The following CELF6 variants were observed in gnomAD, a reference collection of about 807,000 sequenced individuals.
CELF6 encodes CUGBP Elav-like family member 6, also known as Bruno -like 6, RNA binding protein.
CELF6 carries 32 observed loss-of-function variants against 53.1 expected under a neutral mutation model. That is an observed-to-expected ratio of 0.60 (90% CI 0.46 to 0.81). The LOEUF is 0.81. Among genes scored for constraint, CELF6 ranks in the 30% least tolerant of loss-of-function variants. CELF6 has a pLI of 0.00. For missense variants in CELF6, 539 were observed against 669.5 expected (o/e 0.81, Z 2.15); for synonymous variants, 291 against 288.8 (o/e 1.01, Z -0.08).
At chr15:72,303,377 T>A (rs2088182442) in intron 3 of CELF6, among the ~76,000 whole-genome samples, 1 of 152,140 alleles carries the variant, frequency 6.6e-6, no homozygotes, top group African/African-American at 2.4e-5. Context: ...GTGAAGGTGA[T>A]AACATTTTGA....
At chr15:72,317,455 G>A (rs960801933) in intron 1 of CELF6, among the ~76,000 whole-genome samples, 2 of 152,228 alleles carry the variant, frequency 1.3e-5, no homozygotes, top group East Asian at 1.9e-4. Context: ...AGGGAACTTA[G>A]AGAACTGAGC....
chr15:72,311,111 C>T (rs936927309), intron 2 of CELF6, among the ~76,000 whole-genome samples: 1 of 152,060 alleles, frequency 6.6e-6, no homozygotes, highest in Non-Finnish European at 1.5e-5. Context: ...ACTCCCTCCC[C>T]ATTTCTTTTT....
intron 2 of CELF6, chr15:72,306,049 T>A: frequency 5.1e-6 from 5 of 983,364 alleles, no homozygotes; most frequent in Non-Finnish European, 6.0e-6. Flanking sequence ...TTGCATAATT[T>A]GAAAACGCTC....
At position 72,289,462 on chromosome 15, in the gene CELF6, C is replaced by CTG; in HGVS notation, c.791_792dup (p.Gly265GlnfsTer3). On this transcript the variant is annotated frameshift_variant, in exon 7 of 13. Transcript: ENST00000287202. LOFTEE classifies it high-confidence loss of function. The surrounding 1 kb of genome is among the most constrained non-coding windows in gnomAD (Gnocchi z 7.6). The stretch of plus-strand genomic sequence containing the variant: ...GCCACTGCCGCCACCGGGCCTAGGC[C>CTG]TGGGCCCTGTGCCGCCGCCAGCAGG... 1 of 1,537,236 alleles carries CTG rather than the reference C, an allele frequency of 6.5e-7. No homozygotes were observed. The highest frequency in any genetic ancestry group is 8.7e-7 in the Non-Finnish European group (1 of 1,147,894).
At chr15:72,314,602 T>TTTTTTTGTGTG (rs1555470420) in intron 2 of CELF6, among the ~76,000 whole-genome samples, 17 of 144,926 alleles carry the variant, frequency 1.2e-4, no homozygotes, top group African/African-American at 4.6e-4. Context: ...TTTTTTTTTT[T>TTTTTTTGTGTG]TTTTTTTTTT....
Position 72,288,759 on chromosome 15 carries a change from G to A in CELF6, c.1093+109C>T. 1.5e-6 allele frequency: 2 copies of A among 1,340,378 alleles called. No homozygotes were observed. The highest frequency in any genetic ancestry group is 1.0e-6 in the Non-Finnish European group (1 of 953,508). 83.0% of individuals were successfully genotyped at this position (1,340,378 alleles called of 1,614,324 possible). On this transcript the variant is annotated intron_variant, in intron 9 of 12. Transcript: ENST00000287202. The surrounding 1 kb of genome is among the most constrained non-coding windows in gnomAD (Gnocchi z 4.6). ...AGAGAGGTCGTTCTGGGGGTAGGAG[G>A]GGATGGGAGGATCAACTCCTTGGAA...
In CELF6 at chr15:72,288,993, G is replaced by C. The variant is rs908611651; in HGVS notation, c.1031-63C>G. Reference sequence around the variant, plus strand: ...AGCGGGCGAGCAGAGTGGGTGAGAAGCTCAGGGAGTGTGGGAGGTGGACGG... The same window carrying C: ...AGCGGGCGAGCAGAGTGGGTGAGAACCTCAGGGAGTGTGGGAGGTGGACGG... On this transcript the variant is annotated intron_variant, in intron 8 of 12. Transcript: ENST00000287202. The surrounding 1 kb of genome is among the most constrained non-coding windows in gnomAD (Gnocchi z 4.6). 6.9e-6 allele frequency: 10 copies of C among 1,451,686 alleles called. No homozygotes were observed. The highest frequency in any genetic ancestry group is 9.4e-6 in the Non-Finnish European group (10 of 1,064,304). The allele number at this position is 1,451,686 out of a possible 1,614,324, so 89.9% of individuals were successfully genotyped here.
intron 3 of CELF6, among the ~76,000 whole-genome samples, chr15:72,298,642 C>A (rs930797462): frequency 3.4e-4 from 52 of 152,092 alleles, no homozygotes; most frequent in African/African-American, 1.3e-3. Context: ...TGTATTGATT[C>A]TATGCTATGA....
intron 3 of CELF6, among the ~76,000 whole-genome samples, chr15:72,303,891 T>C (rs2088190320): frequency 6.6e-6 from 1 of 152,144 alleles, no homozygotes; most frequent in Admixed American, 6.6e-5. Flanking sequence ...AGAGTCATGC[T>C]CTGTTGCCCA....
At chr15:72,296,333 C>T (rs968239179) in intron 3 of CELF6, among the ~76,000 whole-genome samples, 3 of 152,142 alleles carry the variant, frequency 2.0e-5, no homozygotes, top group African/African-American at 7.2e-5. Flanking sequence ...TTGGATATGA[C>T]ACCAAAAGCA....
At position 72,286,172 on chromosome 15, in the gene CELF6, T is replaced by G. The variant is rs974904350; in HGVS notation, c.*199A>C. On this transcript the variant is annotated 3_prime_UTR_variant, in exon 13 of 13. Coordinates refer to ENST00000287202, the MANE Select transcript of CELF6 (RefSeq NM_052840.5). Reference sequence around the variant, plus strand: ...CCCTATTTGCTCTGCCAGCCTGCGCTCTATGCTGCAGGCACAGAACAACCC... The same window carrying G: ...CCCTATTTGCTCTGCCAGCCTGCGCGCTATGCTGCAGGCACAGAACAACCC... 1 of 152,618 alleles carries G rather than the reference T, an allele frequency of 6.6e-6. No individual in the cohort carries two copies. The highest frequency in any genetic ancestry group is 2.4e-5 in the African/African-American group (1 of 41,448). The allele number at this position is 152,618 out of a possible 1,614,324, so 9.5% of individuals were successfully genotyped here. A position where few individuals can be genotyped will look rare whatever the true frequency, so the allele number is the denominator to read the frequency against.
rs1159489963 is a variant in CELF6 at position 72,288,763 on chromosome 15, T to G, written c.1093+105A>C. 1 of 1,356,734 alleles carries G rather than the reference T, an allele frequency of 7.4e-7. No individual in the cohort carries two copies. The highest frequency in any genetic ancestry group is 1.4e-5 in the African/African-American group (1 of 69,388). The allele number at this position is 1,356,734 out of a possible 1,614,324, so 84.0% of individuals were successfully genotyped here. Reference sequence around the variant, plus strand: ...AGGTCGTTCTGGGGGTAGGAGGGGATGGGAGGATCAACTCCTTGGAACAGA... The same window carrying G: ...AGGTCGTTCTGGGGGTAGGAGGGGAGGGGAGGATCAACTCCTTGGAACAGA... On this transcript the variant is annotated intron_variant, in intron 9 of 12. Coordinates refer to ENST00000287202, the MANE Select transcript of CELF6 (RefSeq NM_052840.5). The surrounding 1 kb of genome is among the most constrained non-coding windows in gnomAD (Gnocchi z 4.6).
intron 3 of CELF6, among the ~76,000 whole-genome samples, chr15:72,295,427 G>C (rs912176801): frequency 6.7e-6 from 1 of 150,322 alleles, no homozygotes; most frequent in African/African-American, 2.4e-5. Context: ...ACTACAAAAT[G>C]TTGCTAAAAG....
chr15:72,297,237 CT>C (rs2088092719), intron 3 of CELF6, among the ~76,000 whole-genome samples: 1 of 152,152 alleles, frequency 6.6e-6, no homozygotes, highest in East Asian at 1.9e-4. Context: ...AAACTTCATC[CT>C]TCTGTTTAAC....
intron 3 of CELF6, among the ~76,000 whole-genome samples, chr15:72,298,442 T>C (rs2088106239): frequency 6.6e-6 from 1 of 152,352 alleles, no homozygotes; most frequent in Admixed American, 6.5e-5. Flanking sequence ...TCAAAATATA[T>C]TTTAAAATCC....
chr15:72,318,156 G>C (rs1406061793), intron 1 of CELF6, among the ~76,000 whole-genome samples: 6 of 152,136 alleles, frequency 3.9e-5, no homozygotes, highest in African/African-American at 1.4e-4. Flanking sequence ...CAGGTAGTGG[G>C]AGTGCATTAG....
chr15:72,316,808 A>T (rs2088369728), intron 1 of CELF6, among the ~76,000 whole-genome samples: 1 of 151,892 alleles, frequency 6.6e-6, no homozygotes. Flanking sequence ...CTTACTTATT[A>T]TGGTGGGGCA....
rs1463043197 is a variant in CELF6 at position 72,289,880 on chromosome 15, A to T, written c.603+59T>A. ...CGCGGGGCACCGAGCACACTCGGGG[A>T]GGAGAAGCCCGTCCCCACCCCACTG... On this transcript the variant is annotated intron_variant, in intron 5 of 12. Coordinates refer to ENST00000287202, the MANE Select transcript of CELF6 (RefSeq NM_052840.5). The surrounding 1 kb of genome is among the most constrained non-coding windows in gnomAD (Gnocchi z 7.6). 6.6e-7 allele frequency: 1 copy of T among 1,523,468 alleles called. No individual in the cohort carries two copies. Among genetic ancestry groups the T allele is most frequent in the African/African-American group, 1.4e-5 (1 of 72,606 alleles). 94.4% of individuals were successfully genotyped at this position (1,523,468 alleles called of 1,614,324 possible).
rs1233642194 is a variant in CELF6, at chr15:72,319,986, G to C, written c.-112C>G. The C allele has an allele frequency of 4.7e-6, 6 of 1,277,334 alleles. No individual in the cohort carries two copies. Among genetic ancestry groups the C allele is most frequent in the Non-Finnish European group, 6.2e-6 (6 of 974,360 alleles). The allele number at this position is 1,277,334 out of a possible 1,614,324, so 79.1% of individuals were successfully genotyped here. A position where few individuals can be genotyped will look rare whatever the true frequency, so the allele number is the denominator to read the frequency against. ...GGAGGGGGCGGAGCCCGGGCGGAGA[G>C]GGCGGGGGGCTGCCCAGGGGGCGGG... On this transcript the variant is annotated 5_prime_UTR_variant, in exon 1 of 13. Coordinates refer to ENST00000287202, the MANE Select transcript of CELF6 (RefSeq NM_052840.5). This position sits in a 1 kb window ranked among gnomAD's most constrained non-coding sequence, Gnocchi z 5.0.
Sources: gnomAD v4.1 joint callset for allele counts (sites outside exome capture counted in the v4.1 genomes callset) on GRCh38, gnomAD v4.1.1 for gene constraint, Gnocchi (gnomAD v3.1) non-coding constraint, MANE v1.5 for transcripts, NCBI Gene and HGNC (gene_info 2026-07-23, HGNC 2026-07-21) for gene names.